The following CUL5 variants were observed in gnomAD, a reference collection of about 807,000 sequenced individuals.
The protein encoded by CUL5 is cullin-5.
Under a neutral mutation model 108.8 loss-of-function variants are expected in CUL5, and 26 were observed. The ratio of observed to expected loss-of-function variants is 0.24; its 90% CI spans 0.18 to 0.33. CUL5 has a LOEUF of 0.33. CUL5 is among the 10% of genes least tolerant of loss of function. CUL5 has a pLI of 1.00. For synonymous variants in CUL5, 334 were observed against 298.0 expected (o/e 1.12, Z -1.25); for missense variants, 524 against 909.2 (o/e 0.58, Z 5.45).
At chr11:108,036,125 A>G (rs1262888765) in intron 2 of CUL5, among the ~76,000 whole-genome samples, 2 of 152,196 alleles carry the variant, frequency 1.3e-5, no homozygotes, top group Admixed American at 1.3e-4. Context: ...ATTCAATAGC[A>G]ATGAAAAACT....
At chr11:108,055,226 A>C (rs559996381) in intron 7 of CUL5, among the ~76,000 whole-genome samples, 1 of 151,998 alleles carries the variant, frequency 6.6e-6, no homozygotes, top group African/African-American at 2.4e-5. Flanking sequence ...GTTTTCTTTT[A>C]TTATGTTTTA....
intron 14 of CUL5, 30 bp from the exon 15 acceptor site, chr11:108,094,782 A>G: frequency 1.3e-6 from 2 of 1,486,554 alleles, no homozygotes; most frequent in Non-Finnish European, 1.8e-6. Context: ...TTGTTAATTT[A>G]CTTTATATTC....
chr11:108,096,495 T>C (rs1398366917), intron 16 of CUL5, among the ~76,000 whole-genome samples: 2 of 151,770 alleles, frequency 1.3e-5, no homozygotes, highest in Non-Finnish European at 2.9e-5. Context: ...AAAAATTTTT[T>C]TTTTTAAAAA....
intron 1 of CUL5, among the ~76,000 whole-genome samples, chr11:108,019,918 GTA>G (rs1333137376): frequency 6.6e-6 from 1 of 152,210 alleles, no homozygotes; most frequent in Non-Finnish European, 1.5e-5. Flanking sequence ...TCCTGTGTGT[GTA>G]GAGATCACAC....
intron 1 of CUL5, among the ~76,000 whole-genome samples, chr11:108,013,518 C>T (rs1000413175): frequency 7.2e-5 from 11 of 152,136 alleles, no homozygotes; most frequent in Non-Finnish European, 1.3e-4. Flanking sequence ...TGCGTACACA[C>T]TCCTACTTAG....
chr11:108,077,188 G>T (rs1424981879), intron 10 of CUL5, among the ~76,000 whole-genome samples: 2 of 152,236 alleles, frequency 1.3e-5, no homozygotes, highest in Middle Eastern at 3.2e-3. Flanking sequence ...CGTCTTTCAT[G>T]AGAAGGGAGA....
intron 7 of CUL5, among the ~76,000 whole-genome samples, chr11:108,055,805 A>T (rs536518001): frequency 4.5e-4 from 69 of 151,776 alleles, no homozygotes; most frequent in African/African-American, 1.6e-3. Flanking sequence ...TAATTTTTTT[A>T]TTTTTAGTAG....
At chr11:108,047,948 G>A (rs1469303086) in intron 3 of CUL5, among the ~76,000 whole-genome samples, 3 of 152,114 alleles carry the variant, frequency 2.0e-5, no homozygotes, top group Non-Finnish European at 4.4e-5. Context: ...AAAAAAAGTA[G>A]GGGAGGGTTT....
At chr11:108,080,178 C>G (rs1485466414) in intron 11 of CUL5, among the ~76,000 whole-genome samples, 1 of 151,178 alleles carries the variant, frequency 6.6e-6, no homozygotes, top group African/African-American at 2.4e-5. Context: ...CTCACTGCAG[C>G]CTCCACCTCC....
At chr11:108,047,563 C>T (rs367753086) in intron 3 of CUL5, among the ~76,000 whole-genome samples, 1 of 152,060 alleles carries the variant, frequency 6.6e-6, no homozygotes, top group African/African-American at 2.4e-5. Flanking sequence ...TTGCTAGTAG[C>T]CACTACCATG....
chr11:108,022,186 T>C (rs1206078403), intron 1 of CUL5, among the ~76,000 whole-genome samples: 1 of 152,164 alleles, frequency 6.6e-6, no homozygotes, highest in Non-Finnish European at 1.5e-5. Context: ...GTTTCTATAA[T>C]TTGATGTGGT....
intron 13 of CUL5, among the ~76,000 whole-genome samples, 192 bp from the exon 14 acceptor site, chr11:108,094,199 C>G (rs1216251379): frequency 6.6e-6 from 1 of 152,154 alleles, no homozygotes; most frequent in East Asian, 1.9e-4. Flanking sequence ...ATGCGCAAAG[C>G]AGGGACCCCT....
intron 10 of CUL5, among the ~76,000 whole-genome samples, chr11:108,076,029 T>TG (rs1159831249): frequency 6.6e-6 from 1 of 151,266 alleles, no homozygotes; most frequent in East Asian, 1.9e-4. Context: ...TGTTTTGTTT[T>TG]ATTTATTTAT....
At chr11:108,043,965 G>A (rs1348073915) in intron 2 of CUL5, among the ~76,000 whole-genome samples, 1 of 152,228 alleles carries the variant, frequency 6.6e-6, no homozygotes, top group East Asian at 1.9e-4. Context: ...GGAGGTTGCA[G>A]TGAGCCAAGG....
At chr11:108,066,886 T>C (rs1437775895) in intron 7 of CUL5, among the ~76,000 whole-genome samples, 2 of 152,234 alleles carry the variant, frequency 1.3e-5, no homozygotes, top group African/African-American at 4.8e-5. Flanking sequence ...TTTAGGTATA[T>C]AGTTTATGGG....
chr11:108,020,450 A>T (rs894345145), intron 1 of CUL5, among the ~76,000 whole-genome samples: 2 of 152,206 alleles, frequency 1.3e-5, no homozygotes, highest in Non-Finnish European at 2.9e-5. Context: ...AAGATTGAGA[A>T]TAAAAAACCT....
At chr11:108,012,324 C>T (rs1478627087) in intron 1 of CUL5, among the ~76,000 whole-genome samples, 1 of 151,930 alleles carries the variant, frequency 6.6e-6, no homozygotes. Context: ...TCTTGCTGAG[C>T]CTCACCCCTC....
chr11:108,034,166 A>G (rs1276691522), intron 2 of CUL5, among the ~76,000 whole-genome samples: 1 of 152,168 alleles, frequency 6.6e-6, no homozygotes, highest in Non-Finnish European at 1.5e-5. Flanking sequence ...CAAAGGGAAA[A>G]GGTACATGGG....
intron 2 of CUL5, among the ~76,000 whole-genome samples, chr11:108,042,925 G>C (rs1188537362): frequency 3.9e-5 from 6 of 151,922 alleles, no homozygotes; most frequent in Non-Finnish European, 1.5e-5. Flanking sequence ...ACCACGCCTG[G>C]CTAATTTTTG....
Sources: allele counts gnomAD v4.1 joint callset (sites outside exome capture counted in the v4.1 genomes callset), GRCh38; gene constraint gnomAD v4.1.1; transcripts MANE v1.5; gene names NCBI Gene and HGNC (gene_info 2026-07-23, HGNC 2026-07-21).